UCN3: variants seen among roughly 807,000 people sequenced by gnomAD.
The protein encoded by UCN3 is urocortin 3, also known as urocortin-3.
A neutral mutation model predicts 3.6 loss-of-function variants in UCN3; 3 were observed. That is an observed-to-expected ratio of 0.83 (90% CI 0.38 to 2.15). UCN3 has a LOEUF of 2.15. UCN3 is among the 30% of genes most tolerant of loss of function. The probability of loss-of-function intolerance (pLI) is 0.06; values close to 1 mark genes in which losing one functional copy is unlikely to be tolerated. For synonymous variants in UCN3, 100 were observed against 93.2 expected (o/e 1.07, Z -0.42); for missense variants, 206 against 208.3 (o/e 0.99, Z 0.07).
At chr10:5,372,716 ATTTT>A (rs1156663637) in intron 1 of UCN3, among the ~76,000 whole-genome samples, 28 of 127,688 alleles carry the variant, frequency 2.2e-4, no homozygotes, top group Admixed American at 1.6e-3. Flanking sequence ...CGCCCAGCTA[ATTTT>A]TTTTTTTTTT....
In UCN3 at chr10:5,374,176, C is replaced by A. The variant is rs1831471638; in HGVS notation, c.456C>A (p.His152Gln). ...GTGCCCAGGCGGCCGCCAATGCCCA[C>A]CTGATGGCGCAAATTGGGAGGAAGA... is the stretch of plus-strand genomic sequence containing the variant. ...NLRAQAAANA[H>Q]LMAQIGRKK is the part of the protein sequence containing the mutation. The change falls in exon 2 of 2, where the codon CAC becomes CAA. Residue 152 changes from histidine (H) to glutamine (Q), a missense_variant. His to Gln is a conservative substitution (Grantham distance 24). Transcript: ENST00000380433. 1 of 1,610,210 alleles carries A rather than the reference C, an allele frequency of 6.2e-7. No individual in the cohort carries two copies. Among genetic ancestry groups the A allele is most frequent in the Non-Finnish European group, 8.5e-7 (1 of 1,178,712 alleles).
At position 5,365,869 on chromosome 10, in the gene UCN3, C is replaced by A. The variant is rs781975243; in HGVS notation, c.-7+639C>A. Among the ~76,000 whole-genome samples the A allele has an allele frequency of 6.6e-6, 1 of 152,182 alleles. No individual in the cohort carries two copies. Among genetic ancestry groups the A allele is most frequent in the Non-Finnish European group, 1.5e-5 (1 of 68,026 alleles). On this transcript the variant is annotated intron_variant, in intron 1 of 1. Transcript: ENST00000380433. The surrounding 1 kb of genome is among the most constrained non-coding windows in gnomAD (Gnocchi z 4.4). ...CCAGAGCCCTTTGCCACACTAGGAA[C>A]ATTGCGGGGGTGTGTGCAGATACCT...
intron 1 of UCN3, among the ~76,000 whole-genome samples, chr10:5,368,232 G>C (rs909363773): frequency 1.3e-5 from 2 of 152,036 alleles, no homozygotes; most frequent in African/African-American, 4.8e-5. Flanking sequence ...TCAAACTCCT[G>C]ACCTCAGGTG....
Position 5,365,396 on chromosome 10 carries a change from C to G in UCN3, c.-7+166C>G, listed in dbSNP as rs1343120693. ...CGCCCCCCACCCAATCAGCAGAAAT[C>G]AGCCCCAAAGGGACCAGGGGAAGTT... On this transcript the variant is annotated intron_variant, in intron 1 of 1. Coordinates refer to ENST00000380433, the MANE Select transcript of UCN3 (RefSeq NM_053049.4). The surrounding 1 kb of genome is among the most constrained non-coding windows in gnomAD (Gnocchi z 4.4). 6.6e-6 allele frequency among the ~76,000 whole-genome samples: 1 copy of G among 152,228 alleles called. No homozygotes were observed. Among genetic ancestry groups the G allele is most frequent in the Non-Finnish European group, 1.5e-5 (1 of 68,034 alleles).
intron 1 of UCN3, among the ~76,000 whole-genome samples, chr10:5,370,862 C>CGCGTGTGTGTGCGTGT (rs1481819542): frequency 0.013 from 569 of 45,368 alleles, 56 homozygotes; most frequent in African/African-American, 0.051. Flanking sequence ...CGTGTGTGTG[C>CGCGTGTGTGTGCGTGT]GTGTGTATGT....
intron 1 of UCN3, among the ~76,000 whole-genome samples, chr10:5,370,315 ATGTGTGTG>A (rs1489726621): frequency 2.9e-4 from 9 of 30,896 alleles, no homozygotes; most frequent in African/African-American, 3.4e-4. Flanking sequence ...ATATGCGTGT[ATGTGTGTG>A]TATATGCGTG....
In UCN3 at chr10:5,365,371, C is replaced by T. The variant is rs1834106103; in HGVS notation, c.-7+141C>T. 1.3e-5 allele frequency: 2 copies of T among 152,452 alleles called. No homozygotes were observed. The highest frequency in any genetic ancestry group is 2.4e-5 in the African/African-American group (1 of 41,448). 9.4% of individuals were successfully genotyped at this position (152,452 alleles called of 1,614,324 possible). A position where few individuals can be genotyped will look rare whatever the true frequency, so the allele number is the denominator to read the frequency against. ...GGAAGCCCAAGGGAGCGATGCTGAA[C>T]GCCCCCCACCCAATCAGCAGAAATC... is the stretch of plus-strand genomic sequence containing the variant. On this transcript the variant is annotated intron_variant, in intron 1 of 1. Coordinates refer to ENST00000380433, the MANE Select transcript of UCN3 (RefSeq NM_053049.4). This position sits in a 1 kb window ranked among gnomAD's most constrained non-coding sequence, Gnocchi z 4.4.
intron 1 of UCN3, among the ~76,000 whole-genome samples, chr10:5,370,009 G>A (rs139712197): frequency 1.3e-3 from 92 of 69,776 alleles, no homozygotes; most frequent in Non-Finnish European, 1.6e-3. Context: ...GTGTGTGTAT[G>A]TGTGTGTATA....
chr10:5,372,982 A>C (rs1439373775), intron 1 of UCN3, among the ~76,000 whole-genome samples: 1 of 152,066 alleles, frequency 6.6e-6, no homozygotes, highest in Non-Finnish European at 1.5e-5. Context: ...CTGACTGATA[A>C]CCAGGATCCC....
rs1192863044 is a variant in UCN3 at position 5,367,345 on chromosome 10, TC to T, written c.-7+2117del. On this transcript the variant is annotated intron_variant, in intron 1 of 1. Coordinates refer to ENST00000380433, the MANE Select transcript of UCN3 (RefSeq NM_053049.4). This position sits in a 1 kb window ranked among gnomAD's most constrained non-coding sequence, Gnocchi z 4.3. The stretch of plus-strand genomic sequence containing the variant: ...AAAGTATGCCATATAAAAGATTTTT[TC>T]CTCTGTGATACGTAACAACATGATT... Among the ~76,000 whole-genome samples the T allele has an allele frequency of 6.6e-6, 1 of 152,220 alleles. No individual in the cohort carries two copies. Among genetic ancestry groups the T allele is most frequent in the African/African-American group, 2.4e-5 (1 of 41,450 alleles).
chr10:5,371,476 G>A (rs72780524), intron 1 of UCN3, among the ~76,000 whole-genome samples: 32,136 of 152,092 alleles, frequency 0.21, 3,753 homozygotes, highest in Admixed American at 0.32. Context: ...GTGAAGCAGC[G>A]GGGACTTACA....
At chr10:5,370,119 G>GTA (rs781887035) in intron 1 of UCN3, among the ~76,000 whole-genome samples, 1 of 50,142 alleles carries the variant, frequency 2.0e-5, no homozygotes, top group Non-Finnish European at 3.6e-5. Context: ...ATATGTGTGT[G>GTA]TATGTGTGTG....
intron 1 of UCN3, among the ~76,000 whole-genome samples, chr10:5,370,487 G>A (rs868986041): frequency 2.2e-5 from 2 of 92,226 alleles, no homozygotes; most frequent in East Asian, 4.6e-4. Flanking sequence ...GTATATGTGT[G>A]TATGTGTGTG....
At position 5,365,835 on chromosome 10, in the gene UCN3, C is replaced by T. The variant is rs1834112436; in HGVS notation, c.-7+605C>T. On this transcript the variant is annotated intron_variant, in intron 1 of 1. Coordinates refer to ENST00000380433, the MANE Select transcript of UCN3 (RefSeq NM_053049.4). The surrounding 1 kb of genome is among the most constrained non-coding windows in gnomAD (Gnocchi z 4.4). ...GAGTTTCCCCAGCCAGGTCCTCTGCCACCAAAGCCCAGAGCCCTTTGCCAC... is the reference window on the plus strand; with the variant it reads ...GAGTTTCCCCAGCCAGGTCCTCTGCTACCAAAGCCCAGAGCCCTTTGCCAC... Among the ~76,000 whole-genome samples the T allele has an allele frequency of 6.6e-6, 1 of 152,180 alleles. No individual in the cohort carries two copies. Among genetic ancestry groups the T allele is most frequent in the Non-Finnish European group, 1.5e-5 (1 of 68,034 alleles).
chr10:5,370,053 A>ATG (rs150601556), intron 1 of UCN3, among the ~76,000 whole-genome samples: 5 of 63,946 alleles, frequency 7.8e-5, no homozygotes, highest in Non-Finnish European at 6.8e-5. Context: ...ATGCGTGTGT[A>ATG]TGTGTGTGTA....
At position 5,369,977 on chromosome 10, in the gene UCN3, GCGTGTGTATA is replaced by G. The variant is rs1564442164; in HGVS notation, c.-6-3737_-6-3728del. ...TGTGTGTGTATATGCGTGTGTATAT[GCGTGTGTATA>G]TGTGTGTATGTGTGTGTGTATGTGT... On this transcript the variant is annotated intron_variant, in intron 1 of 1. Coordinates refer to ENST00000380433, the MANE Select transcript of UCN3 (RefSeq NM_053049.4). Among the ~76,000 whole-genome samples, 55 of 113,708 alleles carry G rather than the reference GCGTGTGTATA, an allele frequency of 4.8e-4. 4 individuals are homozygous for G. The highest frequency in any genetic ancestry group is 1.3e-3 in the South Asian group (4 of 3,054). 74.6% of individuals were successfully genotyped at this position (113,708 alleles called of 152,430 possible).
intron 1 of UCN3, among the ~76,000 whole-genome samples, chr10:5,369,862 G>GTGTGTGTGTGTGTGTGTCTATAT (rs1554811024): frequency 1.0e-5 from 1 of 99,564 alleles, no homozygotes; most frequent in East Asian, 4.4e-4. Context: ...TATCCACGTG[G>GTGTGTGTGTGTGTGTGTCTATAT]GTGTGTGTGT....
rs1554811843 is a variant in UCN3 at position 5,374,250 on chromosome 10, G to A, written c.*44G>A. On this transcript the variant is annotated 3_prime_UTR_variant, in exon 2 of 2. Transcript: ENST00000380433. ...AGGGCAGCGGGGTGGGGAGGGGGAGGGGAGGGGGAGGGGAGGGCGAGGGGG... is the reference window on the plus strand; with the variant it reads ...AGGGCAGCGGGGTGGGGAGGGGGAGAGGAGGGGGAGGGGAGGGCGAGGGGG... 1 of 523,972 alleles carries A rather than the reference G, an allele frequency of 1.9e-6. No homozygotes were observed. Among genetic ancestry groups the A allele is most frequent in the South Asian group, 2.1e-5 (1 of 47,328 alleles). The allele number at this position is 523,972 out of a possible 1,614,324, so 32.5% of individuals were successfully genotyped here.
rs797039651 is a variant in UCN3 at position 5,370,318 on chromosome 10, T to C, written c.-6-3397T>C. Among the ~76,000 whole-genome samples the C allele has an allele frequency of 1.8e-4, 14 of 76,134 alleles. 2 individuals carry two copies. Among genetic ancestry groups the C allele is most frequent in the East Asian group, 4.4e-4 (1 of 2,276 alleles). The allele number at this position is 76,134 out of a possible 152,430, so 49.9% of individuals were successfully genotyped here. A position where few individuals can be genotyped will look rare whatever the true frequency, so the allele number is the denominator to read the frequency against. On this transcript the variant is annotated intron_variant, in intron 1 of 1. Coordinates refer to ENST00000380433, the MANE Select transcript of UCN3 (RefSeq NM_053049.4). Reference sequence around the variant, plus strand: ...GTATGCGTGTGTATATGCGTGTATGTGTGTGTATATGCGTGTGTATATGCG... The same window carrying C: ...GTATGCGTGTGTATATGCGTGTATGCGTGTGTATATGCGTGTGTATATGCG...
Sources: allele counts gnomAD v4.1 joint callset (sites outside exome capture counted in the v4.1 genomes callset), GRCh38; gene constraint gnomAD v4.1.1; non-coding constraint Gnocchi (gnomAD v3.1); transcripts MANE v1.5; gene names NCBI Gene and HGNC (gene_info 2026-07-23, HGNC 2026-07-21).